RAP1GAP: variants seen among roughly 807,000 people sequenced by gnomAD.
RAP1GAP encodes rap1 GTPase-activating protein 1.
RAP1GAP carries 35 observed loss-of-function variants against 87.2 expected under a neutral mutation model. The ratio of observed to expected loss-of-function variants is 0.40; its 90% CI spans 0.31 to 0.53. The LOEUF (loss-of-function observed/expected upper bound fraction) is 0.53, where lower values mean the gene tolerates loss of function less well. Among genes scored for constraint, RAP1GAP ranks in the 20% least tolerant of loss-of-function variants. The probability of loss-of-function intolerance (pLI) is 0.48; values close to 1 mark genes in which losing one functional copy is unlikely to be tolerated. For synonymous variants in RAP1GAP, 375 were observed against 363.9 expected (o/e 1.03, Z -0.35); for missense variants, 734 against 898.9 (o/e 0.82, Z 2.35).
At chr1:21,627,508 C>T (rs1471031538) in intron 2 of RAP1GAP, among the ~76,000 whole-genome samples, 4 of 151,412 alleles carry the variant, frequency 2.6e-5, no homozygotes, top group Admixed American at 2.0e-4. Context: ...CTCTGTCTCC[C>T]GAGTTCGAGC....
At chr1:21,665,814 G>T (rs1374266160) in intron 1 of RAP1GAP, among the ~76,000 whole-genome samples, 1 of 152,246 alleles carries the variant, frequency 6.6e-6, no homozygotes, top group Non-Finnish European at 1.5e-5. Flanking sequence ...GGCGACCCCT[G>T]CTTGGCCCTA....
chr1:21,611,938 C>A (rs1396411264), intron 11 of RAP1GAP, 88 bp downstream of exon 11: 2 of 1,484,434 alleles, frequency 1.3e-6, no homozygotes, highest in African/African-American at 2.8e-5. Context: ...CTCCTGAGTC[C>A]CTTGGCCGGT....
At chr1:21,658,156 G>A (rs920432249) in intron 1 of RAP1GAP, among the ~76,000 whole-genome samples, 6 of 152,148 alleles carry the variant, frequency 3.9e-5, no homozygotes, top group African/African-American at 1.4e-4. Flanking sequence ...CCTAACTCTG[G>A]TTTACAAATG....
At chr1:21,628,570 A>C (rs563389344) in intron 2 of RAP1GAP, among the ~76,000 whole-genome samples, 95 of 152,224 alleles carry the variant, frequency 6.2e-4, no homozygotes, top group African/African-American at 2.2e-3. Flanking sequence ...AAATGCAAAA[A>C]TTAACTGGGC....
chr1:21,663,642 G>A (rs1336301987), intron 1 of RAP1GAP, among the ~76,000 whole-genome samples: 1 of 152,196 alleles, frequency 6.6e-6, no homozygotes, highest in African/African-American at 2.4e-5. Context: ...TGTCCTCTGA[G>A]CAGGGTACTG....
intron 1 of RAP1GAP, among the ~76,000 whole-genome samples, chr1:21,651,086 A>C (rs550868851): frequency 6.6e-6 from 1 of 152,206 alleles, no homozygotes; most frequent in East Asian, 1.9e-4. Context: ...CAATTTGCCA[A>C]ATCTCCGCAA....
chr1:21,666,218 G>A (rs982307889), intron 1 of RAP1GAP, among the ~76,000 whole-genome samples: 100 of 152,342 alleles, frequency 6.6e-4, no homozygotes, highest in Non-Finnish European at 6.9e-4. Flanking sequence ...CAGGGTGCCA[G>A]GGCCAGCCTG....
At chr1:21,632,915 C>T (rs2094039787) in intron 2 of RAP1GAP, among the ~76,000 whole-genome samples, 1 of 152,070 alleles carries the variant, frequency 6.6e-6, no homozygotes, top group African/African-American at 2.4e-5. Flanking sequence ...TGGAAACAGA[C>T]CAACAAAACA....
intron 2 of RAP1GAP, among the ~76,000 whole-genome samples, chr1:21,642,549 G>C (rs899590408): frequency 3.3e-5 from 5 of 152,168 alleles, no homozygotes; most frequent in Non-Finnish European, 7.3e-5. Context: ...CCTGCACTAA[G>C]AGCACAGTCA....
rs776500410 is a variant in RAP1GAP at position 21,634,629 on chromosome 1, G to A, written c.-112-8232C>T. On this transcript the variant is annotated intron_variant, in intron 2 of 24. Coordinates refer to ENST00000374765, the MANE Select transcript of RAP1GAP (RefSeq NM_002885.4). The surrounding 1 kb of genome is among the most constrained non-coding windows in gnomAD (Gnocchi z 4.1). ...CCTCGCCCCATGCTGGCTGCATGCC[G>A]AGACACCCGGATCCCGGAGCTGGGC... The A allele has an allele frequency of 6.8e-5, 15 of 221,138 alleles. No individual in the cohort carries two copies. The highest frequency in any genetic ancestry group is 2.4e-4 in the South Asian group (6 of 24,970). The allele number at this position is 221,138 out of a possible 1,614,324, so 13.7% of individuals were successfully genotyped here. A position where few individuals can be genotyped will look rare whatever the true frequency, so the allele number is the denominator to read the frequency against.
Position 21,609,655 on chromosome 1 carries a change from G to A in RAP1GAP, c.1000-9C>T. 2 of 1,563,788 alleles carry A rather than the reference G, an allele frequency of 1.3e-6. No individual in the cohort carries two copies. The highest frequency in any genetic ancestry group is 1.7e-6 in the Non-Finnish European group (2 of 1,155,084). On this transcript the variant is annotated splice_polypyrimidine_tract_variant and intron_variant, in intron 14 of 24. Transcript: ENST00000374765. This position sits in a 1 kb window ranked among gnomAD's most constrained non-coding sequence, Gnocchi z 4.4. ...CTTGCAGTGACAGAGACCTGGAAGG[G>A]AGGGCAGCTGTCTGTTCCTGTGGAG...
At chr1:21,637,305 T>C (rs2094914590) in intron 2 of RAP1GAP, among the ~76,000 whole-genome samples, 1 of 127,418 alleles carries the variant, frequency 7.8e-6, no homozygotes, top group Non-Finnish European at 1.7e-5. Context: ...CACAGGTGCA[T>C]GCCACCACAT....
intron 20 of RAP1GAP, among the ~76,000 whole-genome samples, chr1:21,600,004 C>T (rs183376424): frequency 6.6e-6 from 1 of 152,280 alleles, no homozygotes; most frequent in African/African-American, 2.4e-5. Flanking sequence ...ATTATCTTAT[C>T]GCTATGATTA....
intron 2 of RAP1GAP, among the ~76,000 whole-genome samples, chr1:21,642,874 C>CTA (rs2095647953): frequency 1.2e-5 from 1 of 80,826 alleles, no homozygotes; most frequent in African/African-American, 5.0e-5. Context: ...CCCTTCCCCA[C>CTA]TACACACACA....
chr1:21,630,374 T>A (rs2093489234), intron 2 of RAP1GAP, among the ~76,000 whole-genome samples: 1 of 151,426 alleles, frequency 6.6e-6, no homozygotes, highest in African/African-American at 2.4e-5. Context: ...GCTCAAGCCA[T>A]CCTCCCTCCT....
At chr1:21,660,658 G>A (rs573657326) in intron 1 of RAP1GAP, among the ~76,000 whole-genome samples, 33 of 152,140 alleles carry the variant, frequency 2.2e-4, no homozygotes, top group Admixed American at 4.6e-4. Flanking sequence ...AGCTGTGACC[G>A]TCAGCCTTAG....
chr1:21,635,038 A>C (rs534226148), intron 2 of RAP1GAP, among the ~76,000 whole-genome samples: 2 of 152,330 alleles, frequency 1.3e-5, no homozygotes, highest in South Asian at 4.1e-4. Context: ...ACAGAGCAGT[A>C]ATGCTAATCT....
rs2096252381 is a variant in RAP1GAP at position 21,648,185 on chromosome 1, A to C, written c.-113+1576T>G. On this transcript the variant is annotated intron_variant, in intron 2 of 24. Coordinates refer to ENST00000374765, the MANE Select transcript of RAP1GAP (RefSeq NM_002885.4). ...GGAATGGCCGATCTTTACTTGATAG[A>C]CGGGTCAACTGAAGCCCAGAGAGGG... Among the ~76,000 whole-genome samples the C allele has an allele frequency of 2.6e-5, 4 of 152,040 alleles. No individual in the cohort carries two copies. In the South Asian group the frequency reaches 8.3e-4, roughly 32 times the overall value.
At chr1:21,640,738 G>A (rs2095442062) in intron 2 of RAP1GAP, among the ~76,000 whole-genome samples, 1 of 152,188 alleles carries the variant, frequency 6.6e-6, no homozygotes, top group Non-Finnish European at 1.5e-5. Flanking sequence ...GCTCCAGGCT[G>A]GAGGCCTGAC....
Sources: allele counts gnomAD v4.1 joint callset (sites outside exome capture counted in the v4.1 genomes callset), GRCh38; gene constraint gnomAD v4.1.1; non-coding constraint Gnocchi (gnomAD v3.1); transcripts MANE v1.5; gene names NCBI Gene and HGNC (gene_info 2026-07-23, HGNC 2026-07-21).